FAT3: variants seen among roughly 807,000 people sequenced by gnomAD.
FAT3 encodes protocadherin Fat 3.
Under a neutral mutation model 310.2 loss-of-function variants are expected in FAT3, and 95 were observed. That is an observed-to-expected ratio of 0.31 (90% CI 0.26 to 0.36). The LOEUF is 0.36. Ranked by LOEUF, FAT3 falls within the 10% of genes least tolerant of loss-of-function variation. FAT3 has a pLI of 1.00. For missense variants in FAT3, 5,408 were observed against 5,715.6 expected, an observed-to-expected ratio of 0.95 and a Z score of 1.74; for synonymous variants, 2,314 against 2,192.9, an observed-to-expected ratio of 1.06 and a Z score of -1.54.
chr11:92,498,510 A>G (rs1178243588), intron 2 of FAT3: 1 of 154,760 alleles, frequency 6.5e-6, no homozygotes, highest in Non-Finnish European at 1.4e-5. Context: ...CATTTTTAGT[A>G]AAACTGACAC....
At chr11:92,784,328 G>A (rs1481976949) in intron 7 of FAT3, among the ~76,000 whole-genome samples, 1 of 152,232 alleles carries the variant, frequency 6.6e-6, no homozygotes, top group African/African-American at 2.4e-5. Flanking sequence ...CTTCACCCTT[G>A]AAATCACAAC....
intron 4 of FAT3, among the ~76,000 whole-genome samples, chr11:92,751,069 A>G (rs1395699548): frequency 2.0e-5 from 3 of 152,192 alleles, no homozygotes; most frequent in African/African-American, 7.2e-5. Flanking sequence ...CCTGCACAGG[A>G]CATGCTGAAA....
chr11:92,425,757 C>T (rs1311089468), intron 2 of FAT3, among the ~76,000 whole-genome samples: 1 of 152,112 alleles, frequency 6.6e-6, no homozygotes, highest in African/African-American at 2.4e-5. Flanking sequence ...TGTATATGTG[C>T]TACATTTTCT....
At position 92,423,124 on chromosome 11, in the gene FAT3, T is replaced by G. The variant is rs76853625; in HGVS notation, c.3292+67720T>G. Among the ~76,000 whole-genome samples, 6 of 152,266 alleles carry G rather than the reference T, an allele frequency of 3.9e-5. No homozygotes were observed. In the East Asian group the frequency reaches 1.2e-3, roughly 29 times the overall value. ...TGGAGTATAGGCAGAGGAAAATCTC[T>G]GAGACATGCCTATCTCTCTTCCTCT... On this transcript the variant is annotated intron_variant, in intron 2 of 27. Transcript: ENST00000525166.
intron 6 of FAT3, among the ~76,000 whole-genome samples, chr11:92,765,565 T>C (rs1167401883): frequency 3.9e-5 from 6 of 152,186 alleles, no homozygotes; most frequent in Admixed American, 3.9e-4. Context: ...GGCAGAACTG[T>C]TCAACAGAAG....
chr11:92,650,687 G>T (rs560272395), intron 3 of FAT3, among the ~76,000 whole-genome samples: 17 of 152,136 alleles, frequency 1.1e-4, no homozygotes, highest in African/African-American at 4.1e-4. Context: ...AGCACAGTTG[G>T]TTGTCATGAG....
At chr11:92,245,581 G>T (rs981237903) in intron 1 of FAT3, among the ~76,000 whole-genome samples, 12 of 152,118 alleles carry the variant, frequency 7.9e-5, no homozygotes, top group African/African-American at 2.9e-4. Flanking sequence ...AAGCTCTCTG[G>T]AGAGGGATTG....
intron 19 of FAT3, among the ~76,000 whole-genome samples, chr11:92,854,023 G>C (rs1386158333): frequency 6.6e-6 from 1 of 152,102 alleles, no homozygotes. Flanking sequence ...CCGTATCCAG[G>C]CTGTTCATTT....
chr11:92,322,022 C>T (rs919809729), intron 1 of FAT3, among the ~76,000 whole-genome samples: 2 of 152,052 alleles, frequency 1.3e-5, no homozygotes, highest in African/African-American at 4.8e-5. Flanking sequence ...CATTGAAAAC[C>T]TTGATTGCTG....
At chr11:92,424,807 C>T (rs896896432) in intron 2 of FAT3, among the ~76,000 whole-genome samples, 16 of 152,086 alleles carry the variant, frequency 1.1e-4, no homozygotes, top group South Asian at 2.1e-4. Flanking sequence ...ATTATAGAAA[C>T]TATAACTTGG....
intron 2 of FAT3, among the ~76,000 whole-genome samples, chr11:92,365,071 G>A (rs1285955138): frequency 6.6e-6 from 1 of 152,102 alleles, no homozygotes; most frequent in Non-Finnish European, 1.5e-5. Flanking sequence ...ACTAGCCTGG[G>A]CAACAAAGTA....
At chr11:92,487,081 G>A (rs1159061251) in intron 2 of FAT3, among the ~76,000 whole-genome samples, 1 of 152,130 alleles carries the variant, frequency 6.6e-6, no homozygotes, top group African/African-American at 2.4e-5. Flanking sequence ...AAGAGCACTG[G>A]TTCCTCCAGA....
intron 4 of FAT3, among the ~76,000 whole-genome samples, chr11:92,699,495 TA>T (rs933463582): frequency 3.9e-5 from 6 of 152,334 alleles, no homozygotes; most frequent in South Asian, 2.1e-4. Flanking sequence ...TGCATTGTTA[TA>T]AAAAAATTTT....
chr11:92,688,686 A>G (rs529591245), intron 3 of FAT3, among the ~76,000 whole-genome samples: 5 of 152,192 alleles, frequency 3.3e-5, no homozygotes, highest in East Asian at 1.9e-4. Flanking sequence ...ATTCCTGTGC[A>G]TACATTATCT....
intron 2 of FAT3, among the ~76,000 whole-genome samples, chr11:92,471,915 CTATA>C (rs140886151): frequency 0.059 from 7,288 of 124,170 alleles, 199 homozygotes; most frequent in Middle Eastern, 0.068. Context: ...TTTTCATATG[CTATA>C]TATATATATA....
chr11:92,463,518 A>C (rs1951684570), intron 2 of FAT3, among the ~76,000 whole-genome samples: 1 of 152,164 alleles, frequency 6.6e-6, no homozygotes, highest in Non-Finnish European at 1.5e-5. Context: ...TGTGAAAATA[A>C]ATGAAATAAT....
At chr11:92,760,420 T>C (rs1591696526) in intron 4 of FAT3, among the ~76,000 whole-genome samples, 1 of 152,224 alleles carries the variant, frequency 6.6e-6, no homozygotes, top group Non-Finnish European at 1.5e-5. Context: ...TTTGATTCAC[T>C]GTTGTTTTTC....
intron 8 of FAT3, among the ~76,000 whole-genome samples, chr11:92,791,998 C>T (rs1266468449): frequency 3.3e-5 from 5 of 152,190 alleles, no homozygotes; most frequent in East Asian, 1.9e-4. Context: ...TTCATATTCC[C>T]GATGGTCAGG....
chr11:92,752,439 G>T (rs1369401882), intron 4 of FAT3, among the ~76,000 whole-genome samples: 1 of 152,214 alleles, frequency 6.6e-6, no homozygotes. Context: ...TATCTTGTGA[G>T]ATTGTTGTAA....
Sources: gnomAD v4.1 joint callset for allele counts (sites outside exome capture counted in the v4.1 genomes callset) on GRCh38, gnomAD v4.1.1 for gene constraint, MANE v1.5 for transcripts, NCBI Gene and HGNC (gene_info 2026-07-23, HGNC 2026-07-21) for gene names.